SEMA5A: variants seen among roughly 807,000 people sequenced by gnomAD.
SEMA5A encodes semaphorin 5A.
SEMA5A carries 55 observed loss-of-function variants against 135.5 expected under a neutral mutation model. That is an observed-to-expected ratio of 0.41 (90% CI 0.33 to 0.51). The LOEUF (loss-of-function observed/expected upper bound fraction) is 0.51, where lower values mean the gene tolerates loss of function less well. SEMA5A is among the 20% of genes least tolerant of loss of function. The pLI is 0.37. For synonymous variants in SEMA5A, 580 were observed against 546.5 expected (o/e 1.06, Z -0.85); for missense variants, 1,290 against 1,419.9 (o/e 0.91, Z 1.47).
intron 5 of SEMA5A, among the ~76,000 whole-genome samples, chr5:9,250,030 A>C (rs1748690931): frequency 6.6e-6 from 1 of 152,190 alleles, no homozygotes; most frequent in African/African-American, 2.4e-5. Flanking sequence ...GCCATGAATA[A>C]AATTTTAAGC....
chr5:9,287,594 T>C (rs1387718866), intron 5 of SEMA5A, among the ~76,000 whole-genome samples: 2 of 152,254 alleles, frequency 1.3e-5, no homozygotes, highest in East Asian at 3.8e-4. Context: ...TCTAATGTTA[T>C]GTTACCCTAG....
intron 16 of SEMA5A, among the ~76,000 whole-genome samples, chr5:9,094,388 G>A (rs1230915989): frequency 6.6e-6 from 1 of 152,190 alleles, no homozygotes; most frequent in Non-Finnish European, 1.5e-5. Flanking sequence ...CATGTAACAG[G>A]CAGAGTTTCT....
At chr5:9,424,342 T>A (rs1757570932) in intron 2 of SEMA5A, among the ~76,000 whole-genome samples, 1 of 152,156 alleles carries the variant, frequency 6.6e-6, no homozygotes, top group Admixed American at 6.5e-5. Context: ...ACCTTTGAGA[T>A]TTTCTGTCAC....
intron 12 of SEMA5A, among the ~76,000 whole-genome samples, chr5:9,140,841 C>T (rs1742030175): frequency 6.6e-6 from 1 of 152,096 alleles, no homozygotes; most frequent in Non-Finnish European, 1.5e-5. Context: ...AAAATTAAAC[C>T]TCCAAAAAGG....
intron 1 of SEMA5A, among the ~76,000 whole-genome samples, chr5:9,452,738 C>T (rs1209749494): frequency 1.3e-5 from 2 of 152,180 alleles, no homozygotes; most frequent in Non-Finnish European, 2.9e-5. Context: ...CCCAGTTTCC[C>T]TACCCAGTTT....
chr5:9,095,643 T>C (rs1026076662), intron 16 of SEMA5A, among the ~76,000 whole-genome samples: 4 of 152,276 alleles, frequency 2.6e-5, no homozygotes, highest in Non-Finnish European at 4.4e-5. Context: ...GTGTGCAAGT[T>C]GTTTTAACAA....
intron 4 of SEMA5A, among the ~76,000 whole-genome samples, chr5:9,319,849 T>TA (rs1390704469): frequency 1.0e-4 from 15 of 146,724 alleles, no homozygotes; most frequent in African/African-American, 3.7e-4. Context: ...GGGGTAGGTA[T>TA]ATAAACTGGA....
chr5:9,200,548 A>G (rs1344884719), intron 9 of SEMA5A, among the ~76,000 whole-genome samples: 1 of 152,254 alleles, frequency 6.6e-6, no homozygotes, highest in East Asian at 1.9e-4. Flanking sequence ...TTTTTAAAGT[A>G]ACTTATCAAA....
chr5:9,466,904 G>A (rs969518161), intron 1 of SEMA5A, among the ~76,000 whole-genome samples: 2 of 152,166 alleles, frequency 1.3e-5, no homozygotes, highest in Non-Finnish European at 2.9e-5. Context: ...TCACAAGAGT[G>A]GGCAGATGTG....
chr5:9,488,771 G>A (rs530541126), intron 1 of SEMA5A, among the ~76,000 whole-genome samples: 28 of 152,274 alleles, frequency 1.8e-4, no homozygotes, highest in African/African-American at 5.8e-4. Context: ...AAACAAAAGG[G>A]CATTAGGTCT....
chr5:9,228,755 T>C (rs913407234), intron 6 of SEMA5A, among the ~76,000 whole-genome samples: 1 of 152,214 alleles, frequency 6.6e-6, no homozygotes, highest in African/African-American at 2.4e-5. Context: ...GGCGAATGAA[T>C]GACGCACGAG....
intron 1 of SEMA5A, among the ~76,000 whole-genome samples, chr5:9,472,322 C>A (rs1044385779): frequency 6.6e-6 from 1 of 152,122 alleles, no homozygotes; most frequent in Admixed American, 6.6e-5. Flanking sequence ...CATCTAGTGC[C>A]CTGGAAGATG....
At chr5:9,413,003 A>G (rs1202312735) in intron 2 of SEMA5A, among the ~76,000 whole-genome samples, 2 of 152,192 alleles carry the variant, frequency 1.3e-5, no homozygotes, top group Admixed American at 6.5e-5. Context: ...GTACCATTCC[A>G]TATTTCCCAT....
intron 3 of SEMA5A, among the ~76,000 whole-genome samples, chr5:9,349,986 T>C (rs1201625504): frequency 1.3e-5 from 2 of 152,150 alleles, no homozygotes; most frequent in East Asian, 3.8e-4. Context: ...ATGTGTATTC[T>C]AAGTCTTCGA....
intron 5 of SEMA5A, among the ~76,000 whole-genome samples, chr5:9,242,771 A>C (rs941350958): frequency 2.0e-5 from 3 of 151,804 alleles, no homozygotes; most frequent in Non-Finnish European, 2.9e-5. Context: ...TGGGAAAATA[A>C]ATTTTTTTTT....
At chr5:9,178,331 C>CTTTTTTTTTTTTTTTTTTTTCTCTCCT (rs5865809) in intron 11 of SEMA5A, among the ~76,000 whole-genome samples, 1 of 123,600 alleles carries the variant, frequency 8.1e-6, no homozygotes, top group Non-Finnish European at 1.7e-5. Context: ...TTTTTCTCTC[C>CTTTTTTTTTTTTTTTTTTTTCTCTCCT]TTTTTTTTTT....
chr5:9,335,673 C>T (rs1753357224), intron 4 of SEMA5A, among the ~76,000 whole-genome samples: 1 of 152,212 alleles, frequency 6.6e-6, no homozygotes, highest in Non-Finnish European at 1.5e-5. Flanking sequence ...CTCATTTTCC[C>T]TCAGGGTGAG....
At chr5:9,339,228 C>T (rs1427520409) in intron 3 of SEMA5A, among the ~76,000 whole-genome samples, 2 of 152,058 alleles carry the variant, frequency 1.3e-5, no homozygotes, top group Non-Finnish European at 2.9e-5. Flanking sequence ...TCTATCAATG[C>T]AAGTGTTTAT....
intron 8 of SEMA5A, among the ~76,000 whole-genome samples, chr5:9,224,405 T>TTA (rs1561042575): frequency 1.3e-5 from 2 of 150,438 alleles, no homozygotes; most frequent in African/African-American, 4.9e-5. Flanking sequence ...AACAACAATA[T>TTA]AAAAAAAAAC....
Sources: allele counts gnomAD v4.1 joint callset (sites outside exome capture counted in the v4.1 genomes callset), GRCh38; gene constraint gnomAD v4.1.1; transcripts MANE v1.5; gene names NCBI Gene and HGNC (gene_info 2026-07-23, HGNC 2026-07-21).